Variants in PTPRG observed in about 807,000 individuals in gnomAD.
The protein encoded by PTPRG is protein tyrosine phosphatase receptor type G.
In PTPRG, 102 loss-of-function variants were observed where a neutral mutation model predicts 165.3. That is an observed-to-expected ratio of 0.62 (90% CI 0.53 to 0.73). PTPRG has a LOEUF of 0.73. Among genes scored for constraint, PTPRG ranks in the 30% least tolerant of loss-of-function variants. PTPRG has a pLI of 0.00. For synonymous variants in PTPRG, 675 were observed against 669.5 expected (o/e 1.01, Z -0.13); for missense variants, 1,866 against 1,861.4 (o/e 1.00, Z -0.05).
chr3:61,732,992 G>A (rs1187814250), intron 1 of PTPRG, among the ~76,000 whole-genome samples: 1 of 152,116 alleles, frequency 6.6e-6, no homozygotes, highest in Non-Finnish European at 1.5e-5. Context: ...TTTCAGGAAT[G>A]ATCACTTTTA....
At chr3:61,652,509 A>G (rs1702383256) in intron 1 of PTPRG, among the ~76,000 whole-genome samples, 1 of 149,880 alleles carries the variant, frequency 6.7e-6, no homozygotes, top group Non-Finnish European at 1.5e-5. Context: ...TGGGTCATGG[A>G]CTGGGCTAGG....
intron 6 of PTPRG, among the ~76,000 whole-genome samples, chr3:62,133,395 A>G (rs890761339): frequency 2.0e-5 from 3 of 152,234 alleles, no homozygotes; most frequent in Admixed American, 1.3e-4. Flanking sequence ...CAGAAATAGC[A>G]TTAGTAACCA....
At chr3:62,218,637 T>C (rs1372594396) in intron 12 of PTPRG, among the ~76,000 whole-genome samples, 1 of 152,164 alleles carries the variant, frequency 6.6e-6, no homozygotes, top group Non-Finnish European at 1.5e-5. Flanking sequence ...TAACTGCCAA[T>C]TACAGAATGC....
intron 2 of PTPRG, among the ~76,000 whole-genome samples, chr3:61,775,840 C>T (rs1356107278): frequency 2.7e-5 from 4 of 149,352 alleles, no homozygotes; most frequent in African/African-American, 9.9e-5. Flanking sequence ...AAAAACCAAA[C>T]ACTGCATGTT....
rs189362892 is a variant in PTPRG, at chr3:61,948,199, C to G, written c.191-41426C>G. Among the ~76,000 whole-genome samples the G allele has an allele frequency of 5.6e-4, 85 of 152,232 alleles. 1 individual carries two copies. The highest frequency in any genetic ancestry group is 1.9e-3 in the African/African-American group (80 of 41,540). On this transcript the variant is annotated intron_variant, in intron 2 of 29. Coordinates refer to ENST00000474889, the MANE Select transcript of PTPRG (RefSeq NM_002841.4). ...AATTAGCTGGGTGTGTTGGCACATGCCTGTAATCCCAGCTACTCGAGAGGC... is the reference window on the plus strand; with the variant it reads ...AATTAGCTGGGTGTGTTGGCACATGGCTGTAATCCCAGCTACTCGAGAGGC...
At chr3:61,690,322 G>C (rs1308286836) in intron 1 of PTPRG, among the ~76,000 whole-genome samples, 1 of 152,178 alleles carries the variant, frequency 6.6e-6, no homozygotes, top group Non-Finnish European at 1.5e-5. Context: ...CTAAGGAACA[G>C]CATCAGATCC....
chr3:61,581,907 A>G (rs1380157595), intron 1 of PTPRG, among the ~76,000 whole-genome samples: 1 of 151,862 alleles, frequency 6.6e-6, no homozygotes, highest in African/African-American at 2.4e-5. Flanking sequence ...TGTACCTGGC[A>G]TATAGGTCCT....
rs1213685387 is a variant in PTPRG at position 62,281,646 on chromosome 3, C to T, written c.3849C>T (p.Asp1283=). ...EAFTVTLISK[D]RLCLSNEEQI... ...TTACCGTCACCCTTATCAGCAAAGA[C>T]AGACTGTGCCTCTCTAATGAAGAAC... Residue 1283 remains aspartate, a synonymous_variant, in exon 27 of 30, where the codon GAC becomes GAT. Coordinates refer to ENST00000474889, the MANE Select transcript of PTPRG (RefSeq NM_002841.4). 5 of 1,604,804 alleles carry T rather than the reference C, an allele frequency of 3.1e-6. No individual in the cohort carries two copies. The highest frequency in any genetic ancestry group is 2.7e-5 in the African/African-American group (2 of 73,202).
intron 4 of PTPRG, among the ~76,000 whole-genome samples, chr3:62,031,747 G>A (rs1699776141): frequency 6.6e-6 from 1 of 152,180 alleles, no homozygotes; most frequent in Non-Finnish European, 1.5e-5. Context: ...TTTAAGGGAT[G>A]TTTGGCAAAT....
chr3:62,078,591 T>C (rs964140435), intron 5 of PTPRG, among the ~76,000 whole-genome samples: 1 of 152,180 alleles, frequency 6.6e-6, no homozygotes, highest in African/African-American at 2.4e-5. Flanking sequence ...AAAAGGTGTT[T>C]TTTTGAGCAA....
chr3:61,915,086 G>A (rs751432896), intron 2 of PTPRG, among the ~76,000 whole-genome samples: 3 of 152,112 alleles, frequency 2.0e-5, no homozygotes, highest in African/African-American at 4.8e-5. Flanking sequence ...AAAATTAGCC[G>A]GGCGTGGTGG....
At chr3:61,730,767 C>A (rs1442852094) in intron 1 of PTPRG, among the ~76,000 whole-genome samples, 1 of 152,144 alleles carries the variant, frequency 6.6e-6, no homozygotes, top group Admixed American at 6.5e-5. Context: ...GCCTAGACTT[C>A]TTAGAAAGTT....
At chr3:62,170,469 A>C (rs111571771) in intron 8 of PTPRG, among the ~76,000 whole-genome samples, 1 of 152,156 alleles carries the variant, frequency 6.6e-6, no homozygotes, top group Admixed American at 6.5e-5. Flanking sequence ...TGGGCCAAGC[A>C]TATGATATAT....
chr3:62,253,753 A>G (rs1701474460), intron 15 of PTPRG, among the ~76,000 whole-genome samples: 1 of 152,226 alleles, frequency 6.6e-6, no homozygotes, highest in African/African-American at 2.4e-5. Context: ...ATTCATGAAC[A>G]TCTTCAATTC....
At chr3:61,589,928 G>C (rs1039203880) in intron 1 of PTPRG, among the ~76,000 whole-genome samples, 4 of 152,156 alleles carry the variant, frequency 2.6e-5, no homozygotes, top group Non-Finnish European at 5.9e-5. Flanking sequence ...CATTTGGCTA[G>C]AGCAAGAGAC....
intron 2 of PTPRG, among the ~76,000 whole-genome samples, chr3:61,964,391 T>C (rs763571206): frequency 6.6e-6 from 1 of 152,278 alleles, no homozygotes; most frequent in South Asian, 2.1e-4. Flanking sequence ...TGGGGGACTT[T>C]CTCAGATGGT....
chr3:61,948,518 G>T (rs1417106376), intron 2 of PTPRG, among the ~76,000 whole-genome samples: 1 of 152,114 alleles, frequency 6.6e-6, no homozygotes, highest in East Asian at 1.9e-4. Flanking sequence ...TAGTGTTATG[G>T]GGGGCGGTCA....
chr3:61,698,975 A>T (rs938068644), intron 1 of PTPRG, among the ~76,000 whole-genome samples: 4 of 151,950 alleles, frequency 2.6e-5, no homozygotes, highest in Admixed American at 6.6e-5. Context: ...AACAATGAGA[A>T]CACATGGACA....
intron 5 of PTPRG, among the ~76,000 whole-genome samples, chr3:62,095,021 C>G (rs771522203): frequency 1.1e-4 from 16 of 152,244 alleles, no homozygotes; most frequent in Non-Finnish European, 5.9e-5. Flanking sequence ...AATCTTCTCT[C>G]TGGCTTTATA....
Sources: gnomAD v4.1 joint callset for allele counts (sites outside exome capture counted in the v4.1 genomes callset) on GRCh38, gnomAD v4.1.1 for gene constraint, MANE v1.5 for transcripts, NCBI Gene and HGNC (gene_info 2026-07-23, HGNC 2026-07-21) for gene names.